NFU1: variants seen among roughly 807,000 people sequenced by gnomAD.
The protein encoded by NFU1 is NFU1 iron-sulfur cluster scaffold.
A neutral mutation model predicts 32.2 loss-of-function variants in NFU1; 30 were observed. The observed-to-expected ratio is 0.93, with a 90% CI of 0.70 to 1.26. The LOEUF is 1.26. Ranked by LOEUF, NFU1 falls within the 50% of genes most tolerant of loss-of-function variation. The pLI is 0.00. For missense variants in NFU1, 306 were observed against 306.6 expected, an observed-to-expected ratio of 1.00 and a Z score of 0.02; for synonymous variants, 112 against 104.6, an observed-to-expected ratio of 1.07 and a Z score of -0.43.
intron 3 of NFU1, 121 bp downstream of exon 3, chr2:69,423,461 C>T: frequency 3.5e-6 from 3 of 860,832 alleles, no homozygotes; most frequent in African/African-American, 1.7e-5. Flanking sequence ...AAATTATTTT[C>T]TACACTTAAA....
At chr2:69,414,767 G>A (rs1672999190) in intron 5 of NFU1, among the ~76,000 whole-genome samples, 1 of 151,956 alleles carries the variant, frequency 6.6e-6, no homozygotes, top group African/African-American at 2.4e-5. Flanking sequence ...AGGGATGGGG[G>A]TACAGTGGTT....
chr2:69,414,711 T>C (rs1039035013), intron 5 of NFU1, among the ~76,000 whole-genome samples: 5 of 150,778 alleles, frequency 3.3e-5, no homozygotes, highest in African/African-American at 1.2e-4. Flanking sequence ...ATGTATAGTA[T>C]AAAACAAAAC....
chr2:69,423,671 G>C lies in NFU1; in HGVS notation c.213C>G (p.Ser71Arg). 6.2e-7 allele frequency: 1 copy of C among 1,610,332 alleles called. No homozygotes were observed. The highest frequency in any genetic ancestry group is 1.1e-5 in the South Asian group (1 of 90,994). The change falls in exon 3 of 8, where the codon AGC (serine) becomes AGG (arginine). Residue 71 changes from serine to arginine, a missense_variant. Physicochemically the swap from Ser to Arg is moderately radical, Grantham distance 110. Coordinates refer to ENST00000410022, the MANE Select transcript of NFU1 (RefSeq NM_001002755.4). Reference protein sequence around the residue: ...IQTQDTPNPNSLKFIPGKPVL... With the variant: ...IQTQDTPNPNRLKFIPGKPVL... ...CTGGTTTTCCTGGTATAAACTTTAA[G>C]CTGTTTGGATTTGGGGTATCTTGTG... is the stretch of plus-strand genomic sequence containing the variant.
chr2:69,438,808 G>A (rs1465129034), upstream of NFU1, among the ~76,000 whole-genome samples: 4 of 151,768 alleles, frequency 2.6e-5, no homozygotes, highest in African/African-American at 7.3e-5. Context: ...CTACGAGTTT[G>A]GTTCATTCCC....
rs7557646 is a variant in NFU1 at position 69,415,483 on chromosome 2, G to A, written c.370-184C>T. Among the ~76,000 whole-genome samples the A allele has an allele frequency of 0.21, 32,135 of 151,408 alleles. 4,009 individuals are homozygous for A. Among genetic ancestry groups the A allele is most frequent in the African/African-American group, 0.34 (13,919 of 41,220 alleles). On this transcript the variant is annotated intron_variant, in intron 4 of 7. Coordinates refer to ENST00000410022, the MANE Select transcript of NFU1 (RefSeq NM_001002755.4). ...CAACCTCCGCCTCCTGGGTTCAAGC[G>A]ATTCTCCTGCCTCAGCCTCCCAAGT...
intron 2 of NFU1, among the ~76,000 whole-genome samples, chr2:69,427,500 T>C (rs1196601640): frequency 6.7e-6 from 1 of 150,332 alleles, no homozygotes; most frequent in East Asian, 2.0e-4. Flanking sequence ...GCCAACATGG[T>C]GAAAACCCAT....
At chr2:69,408,556 C>T (rs774660352) in intron 5 of NFU1, among the ~76,000 whole-genome samples, 1 of 151,718 alleles carries the variant, frequency 6.6e-6, no homozygotes, top group Non-Finnish European at 1.5e-5. Flanking sequence ...CCCGTCTCTA[C>T]TAAAAATACA....
chr2:69,415,248 T>A lies in NFU1; in HGVS notation c.421A>T (p.Ile141Phe). ...AAGCCAGATGCAAAGAAGTCCATGATTGTTGCATAAATATCTGGTTTCAGT... is the reference window on the plus strand; with the variant it reads ...AAGCCAGATGCAAAGAAGTCCATGAATGTTGCATAAATATCTGGTTTCAGT... ...NLLKPDIYAT[I>F]MDFFASGLPL... is the part of the protein sequence containing the mutation. The change falls in exon 5 of 8, where the codon ATC becomes TTC. Residue 141 changes from isoleucine to phenylalanine, a missense_variant. Ile to Phe is a conservative substitution (Grantham distance 21). Coordinates refer to ENST00000410022, the MANE Select transcript of NFU1 (RefSeq NM_001002755.4). 1 of 1,613,288 alleles carries A rather than the reference T, an allele frequency of 6.2e-7. No homozygotes were observed. Among genetic ancestry groups the A allele is most frequent in the South Asian group, 1.1e-5 (1 of 91,056 alleles).
At chr2:69,437,455 A>T, upstream of NFU1, 1 of 1,604,846 alleles carries the variant, frequency 6.2e-7, no homozygotes, top group Non-Finnish European at 8.5e-7. Context: ...TCTCCCTGAC[A>T]GAACCACGAA....
At chr2:69,439,557 A>G (rs1195745303), upstream of NFU1, among the ~76,000 whole-genome samples, 2 of 152,228 alleles carry the variant, frequency 1.3e-5, no homozygotes, top group African/African-American at 4.8e-5. Context: ...AGGGGACCCA[A>G]GCAGGTTGCC....
chr2:69,417,190 GA>G (rs796194460), intron 4 of NFU1, among the ~76,000 whole-genome samples: 7 of 151,832 alleles, frequency 4.6e-5, no homozygotes, highest in Non-Finnish European at 2.9e-5. Context: ...TATATATTTA[GA>G]AAAAAATAAC....
chr2:69,400,571 T>C (rs1184311564), intron 6 of NFU1, 33 bp from the exon 7 acceptor site: 1 of 1,594,476 alleles, frequency 6.3e-7, no homozygotes, highest in African/African-American at 1.3e-5. Flanking sequence ...TGACATATTC[T>C]TTAAAATACA....
intron 3 of NFU1, among the ~76,000 whole-genome samples, chr2:69,421,279 G>A (rs1315116466): frequency 3.3e-5 from 5 of 151,936 alleles, no homozygotes; most frequent in African/African-American, 4.8e-5. Flanking sequence ...ATTCTGAGAA[G>A]TGATATGTTT....
At chr2:69,400,673 A>G in intron 6 of NFU1, 135 bp from the exon 7 acceptor site, 1 of 719,288 alleles carries the variant, frequency 1.4e-6, no homozygotes, top group Non-Finnish European at 2.3e-6. Context: ...AATACAGAAT[A>G]ATAACTGTGG....
At chr2:69,427,761 C>T (rs1050189547) in intron 2 of NFU1, among the ~76,000 whole-genome samples, 4 of 150,352 alleles carry the variant, frequency 2.7e-5, no homozygotes, top group Non-Finnish European at 5.9e-5. Context: ...GTGGGCAGAT[C>T]ACCTGAGGTC....
At chr2:69,424,170 C>CAAAAAA (rs57078704) in intron 2 of NFU1, among the ~76,000 whole-genome samples, 6 of 42,936 alleles carry the variant, frequency 1.4e-4, no homozygotes, top group African/African-American at 5.9e-4. Flanking sequence ...GACTCTGTCT[C>CAAAAAA]AAAAAAAAAA....
At chr2:69,424,878 CTTT>C (rs34708604) in intron 2 of NFU1, among the ~76,000 whole-genome samples, 5 of 133,660 alleles carry the variant, frequency 3.7e-5, no homozygotes, top group Non-Finnish European at 6.3e-5. Flanking sequence ...GGGTCAAACG[CTTT>C]TTTTTTTTTT....
rs367639713 is a variant in NFU1, at chr2:69,410,262, G to A, written c.485-4180C>T. 3.9e-5 allele frequency among the ~76,000 whole-genome samples: 6 copies of A among 151,998 alleles called. No homozygotes were observed. The South Asian group carries it at 6.2e-4, about 16-fold the overall frequency. Reference sequence around the variant, plus strand: ...AAATCAGTCGGGCATGGTGTTTGGCGCCTGTAATCCCAGCTGCTCAGGTGG... The same window carrying A: ...AAATCAGTCGGGCATGGTGTTTGGCACCTGTAATCCCAGCTGCTCAGGTGG... On this transcript the variant is annotated intron_variant, in intron 5 of 7. Coordinates refer to ENST00000410022, the MANE Select transcript of NFU1 (RefSeq NM_001002755.4).
At position 69,406,141 on chromosome 2, in the gene NFU1, G is replaced by A. The variant is rs1054527611; in HGVS notation, c.485-59C>T. The A allele has an allele frequency of 2.5e-5, 24 of 976,574 alleles. No homozygotes were observed. In the African/African-American group the frequency reaches 2.5e-4, roughly 10 times the overall value. The allele number at this position is 976,574 out of a possible 1,614,324, so 60.5% of individuals were successfully genotyped here. ...AGAAATTTTATAGCCATGCAAGTAC[G>A]AGTATTAAAACAGAATGATTTTAAC... is the stretch of plus-strand genomic sequence containing the variant. On this transcript the variant is annotated intron_variant, in intron 5 of 7. Coordinates refer to ENST00000410022, the MANE Select transcript of NFU1 (RefSeq NM_001002755.4).
Sources: gnomAD v4.1 joint callset for allele counts (sites outside exome capture counted in the v4.1 genomes callset) on GRCh38, gnomAD v4.1.1 for gene constraint, MANE v1.5 for transcripts, NCBI Gene and HGNC (gene_info 2026-07-23, HGNC 2026-07-21) for gene names.